IGF1R: variants seen among roughly 807,000 people sequenced by gnomAD.
The protein encoded by IGF1R is insulin-like growth factor 1 receptor.
A neutral mutation model predicts 144.6 loss-of-function variants in IGF1R; 44 were observed. The ratio of observed to expected loss-of-function variants is 0.30; its 90% CI spans 0.24 to 0.39. IGF1R has a LOEUF of 0.39. Ranked by LOEUF, IGF1R falls within the 10% of genes least tolerant of loss-of-function variation. IGF1R has a pLI of 1.00. For synonymous variants in IGF1R, 795 were observed against 722.8 expected, an observed-to-expected ratio of 1.10 and a Z score of -1.60; for missense variants, 1,355 against 1,833.7, an observed-to-expected ratio of 0.74 and a Z score of 4.77.
At chr15:98,834,945 C>G (rs571362710) in intron 2 of IGF1R, among the ~76,000 whole-genome samples, 3 of 152,112 alleles carry the variant, frequency 2.0e-5, no homozygotes, top group African/African-American at 2.4e-5. Context: ...CCCAGACACC[C>G]AGATGCTTCT....
At chr15:98,702,720 A>G (rs1043405802) in intron 1 of IGF1R, among the ~76,000 whole-genome samples, 5 of 152,170 alleles carry the variant, frequency 3.3e-5, no homozygotes, top group Non-Finnish European at 5.9e-5. Flanking sequence ...GCTTGAGCCC[A>G]GGAATTGGAG....
At chr15:98,861,200 C>G (rs2141583785) in intron 2 of IGF1R, among the ~76,000 whole-genome samples, 1 of 152,260 alleles carries the variant, frequency 6.6e-6, no homozygotes, top group East Asian at 1.9e-4. Context: ...TGCACTTTCC[C>G]CTTGATGTGC....
At chr15:98,768,407 G>C (rs1439911008) in intron 2 of IGF1R, among the ~76,000 whole-genome samples, 1 of 151,546 alleles carries the variant, frequency 6.6e-6, no homozygotes, top group Non-Finnish European at 1.5e-5. Flanking sequence ...ATGCTGTCAG[G>C]AGATCGAGAC....
At chr15:98,718,669 C>T (rs1352603404) in intron 2 of IGF1R, among the ~76,000 whole-genome samples, 1 of 152,204 alleles carries the variant, frequency 6.6e-6, no homozygotes, top group Non-Finnish European at 1.5e-5. Context: ...CGGATAGATG[C>T]AAAGTGCTTG....
At chr15:98,698,739 T>A (rs974221259) in intron 1 of IGF1R, among the ~76,000 whole-genome samples, 2 of 152,222 alleles carry the variant, frequency 1.3e-5, no homozygotes, top group African/African-American at 4.8e-5. Context: ...GTCCTTTTCC[T>A]TGCTAGGAAA....
Position 98,957,126 on chromosome 15 carries a change from T to G in IGF1R, c.3788T>G (p.Ile1263Ser), listed in dbSNP as rs2017022967. The G allele has an allele frequency of 3.7e-6, 6 of 1,614,072 alleles. No individual in the cohort carries two copies. The highest frequency in any genetic ancestry group is 1.7e-5 in the Admixed American group (1 of 60,008). ...ATGAGGCCTTCCTTCCTGGAGATCA[T>G]CAGCAGCATCAAAGAGGAGATGGAG... ...PKMRPSFLEI[I>S]SSIKEEMEPG... is the part of the protein sequence containing the mutation. The change falls in exon 21 of 21, where the codon ATC becomes AGC. Residue 1263 changes from isoleucine (I) to serine (S), a missense_variant. By Grantham distance (142) the Ile-to-Ser change is moderately radical. Around this residue, in one of 7 missense-constraint regions of IGF1R, gnomAD observed 219 missense variants for 188.8 expected, o/e 1.16. Coordinates refer to ENST00000650285, the MANE Select transcript of IGF1R (RefSeq NM_000875.5).
intron 2 of IGF1R, among the ~76,000 whole-genome samples, chr15:98,711,569 G>A (rs796919832): frequency 2.6e-5 from 4 of 152,216 alleles, no homozygotes; most frequent in African/African-American, 7.2e-5. Context: ...CCTAAAGAGC[G>A]ATTGACCCTT....
intron 1 of IGF1R, among the ~76,000 whole-genome samples, chr15:98,665,069 T>C (rs2052700880): frequency 6.6e-6 from 1 of 151,376 alleles, no homozygotes; most frequent in African/African-American, 2.4e-5. Context: ...GCCATTCTCC[T>C]GCCTCAGCCT....
At chr15:98,852,562 C>T (rs989276469) in intron 2 of IGF1R, among the ~76,000 whole-genome samples, 2 of 152,134 alleles carry the variant, frequency 1.3e-5, no homozygotes, top group Non-Finnish European at 2.9e-5. Context: ...ATCACCAGAG[C>T]AGAGGAGGAG....
chr15:98,652,696 T>C (rs1193895378), intron 1 of IGF1R, among the ~76,000 whole-genome samples: 2 of 152,166 alleles, frequency 1.3e-5, no homozygotes, highest in African/African-American at 4.8e-5. Context: ...TTATGTGAAA[T>C]GTCTAGAATA....
Position 98,649,629 on chromosome 15 carries a change from C to A in IGF1R, c.48C>A (p.Leu16=), listed in dbSNP as rs1319522971. 6.2e-7 allele frequency: 1 copy of A among 1,608,786 alleles called. No individual in the cohort carries two copies. Among genetic ancestry groups the A allele is most frequent in the East Asian group, 2.2e-5 (1 of 44,558 alleles). ...GGTCCCCGACCTCGCTGTGGGGGCTCCTGTTTCTCTCCGCCGCGCTCTCGC... is the reference window on the plus strand; with the variant it reads ...GGTCCCCGACCTCGCTGTGGGGGCTACTGTTTCTCTCCGCCGCGCTCTCGC... ...GGGSPTSLWG[L]LFLSAALSLW... The change falls in exon 1 of 21, where the codon CTC becomes CTA. Residue 16 remains leucine, a synonymous_variant. Transcript: ENST00000650285.
At chr15:98,653,847 GT>G (rs1433482611) in intron 1 of IGF1R, among the ~76,000 whole-genome samples, 1 of 152,218 alleles carries the variant, frequency 6.6e-6, no homozygotes, top group African/African-American at 2.4e-5. Flanking sequence ...TTGCCTTAGA[GT>G]TTTTGCCAAG....
chr15:98,681,886 G>A (rs2053198937), intron 1 of IGF1R, among the ~76,000 whole-genome samples: 1 of 152,180 alleles, frequency 6.6e-6, no homozygotes, highest in Non-Finnish European at 1.5e-5. Flanking sequence ...TCTTCAGGAT[G>A]GGTGGGTGGA....
rs76906914 is a variant in IGF1R, at chr15:98,756,455, G to A, written c.640+48348G>A. Reference sequence around the variant, plus strand: ...AATTTATCTACAATTTGAGTTTATCGCACAGTTATTTGTAATATTGTTATC... The same window carrying A: ...AATTTATCTACAATTTGAGTTTATCACACAGTTATTTGTAATATTGTTATC... On this transcript the variant is annotated intron_variant, in intron 2 of 20. Transcript: ENST00000650285. Among the ~76,000 whole-genome samples, 939 of 151,574 alleles carry A rather than the reference G, an allele frequency of 6.2e-3. 13 individuals carry two copies. The highest frequency in any genetic ancestry group is 0.053 in the South Asian group (253 of 4,800).
chr15:98,775,868 C>G (rs1056284384), intron 2 of IGF1R, among the ~76,000 whole-genome samples: 1 of 152,188 alleles, frequency 6.6e-6, no homozygotes, highest in Non-Finnish European at 1.5e-5. Context: ...GGGTCTGGGA[C>G]CACACTTTGA....
chr15:98,868,354 G>T (rs1213368290), intron 2 of IGF1R, among the ~76,000 whole-genome samples: 3 of 71,744 alleles, frequency 4.2e-5, no homozygotes, highest in South Asian at 6.0e-4. Flanking sequence ...AGCCAAATCT[G>T]TTGGGTTTTT....
rs2151694781 is a variant in IGF1R, at chr15:98,924,695, T to TG, written c.2782+13dup. 1.2e-6 allele frequency: 2 copies of TG among 1,610,038 alleles called. No individual in the cohort carries two copies. Among genetic ancestry groups the TG allele is most frequent in the East Asian group, 4.5e-5 (2 of 44,686 alleles). Reference sequence around the variant, plus strand: ...ATGTCCAGGCCAAAAGTAAGGCTTGTGGAGGGAGAAGAAACGTGGTAAAAC... The same window carrying TG: ...ATGTCCAGGCCAAAAGTAAGGCTTGTGGGAGGGAGAAGAAACGTGGTAAAAC... On this transcript the variant is annotated intron_variant, in intron 13 of 20. Coordinates refer to ENST00000650285, the MANE Select transcript of IGF1R (RefSeq NM_000875.5).
Position 98,963,437 on chromosome 15 carries a change from T to G in IGF1R, c.*5995T>G, listed in dbSNP as rs2017305568. The G allele has an allele frequency of 4.3e-6, 1 of 233,230 alleles. No individual in the cohort carries two copies. The highest frequency in any genetic ancestry group is 2.2e-5 in the African/African-American group (1 of 45,358). The allele number at this position is 233,230 out of a possible 1,614,324, so 14.4% of individuals were successfully genotyped here. A position where few individuals can be genotyped will look rare whatever the true frequency, so the allele number is the denominator to read the frequency against. On this transcript the variant is annotated 3_prime_UTR_variant, in exon 21 of 21. Coordinates refer to ENST00000650285, the MANE Select transcript of IGF1R (RefSeq NM_000875.5). Reference sequence around the variant, plus strand: ...TGGGAAGGGGATCATTTTTTACTGGTCATTTCCCTTTGGAGTGTAGCTACT... The same window carrying G: ...TGGGAAGGGGATCATTTTTTACTGGGCATTTCCCTTTGGAGTGTAGCTACT...
intron 2 of IGF1R, among the ~76,000 whole-genome samples, chr15:98,842,591 C>G (rs956888071): frequency 5.3e-5 from 8 of 152,174 alleles, no homozygotes; most frequent in African/African-American, 1.9e-4. Flanking sequence ...TTAGGACAGT[C>G]ATGCAATTAT....
Sources: gnomAD v4.1 joint callset for allele counts (sites outside exome capture counted in the v4.1 genomes callset) on GRCh38, gnomAD v4.1.1 for gene constraint, gnomAD v4.1.1 regional missense constraint, MANE v1.5 for transcripts, NCBI Gene and HGNC (gene_info 2026-07-23, HGNC 2026-07-21) for gene names.